L3MBTL4: variants seen among roughly 807,000 people sequenced by gnomAD.
L3MBTL4 encodes the protein L3MBTL histone methyl-lysine binding protein 4.
A neutral mutation model predicts 84.5 loss-of-function variants in L3MBTL4; 70 were observed. That is an observed-to-expected ratio of 0.83 (90% CI 0.68 to 1.01). The LOEUF is 1.01. Ranked by LOEUF, L3MBTL4 falls within the 50% of genes least tolerant of loss-of-function variation. L3MBTL4 has a pLI of 0.00. For missense variants in L3MBTL4, 715 were observed against 754.8 expected (o/e 0.95, Z 0.62); for synonymous variants, 274 against 259.8 (o/e 1.05, Z -0.52).
intron 5 of L3MBTL4, among the ~76,000 whole-genome samples, chr18:6,262,626 T>C (rs929396337): frequency 1.9e-4 from 29 of 152,134 alleles, no homozygotes; most frequent in Admixed American, 2.6e-4. Flanking sequence ...TCTGATTTAG[T>C]AGGTCTCAGG....
At chr18:6,142,009 T>C (rs996616033) in intron 13 of L3MBTL4, among the ~76,000 whole-genome samples, 1 of 152,216 alleles carries the variant, frequency 6.6e-6, no homozygotes, top group African/African-American at 2.4e-5. Flanking sequence ...ATCAGGGCAT[T>C]TGCATGCTGG....
intron 17 of L3MBTL4, among the ~76,000 whole-genome samples, chr18:5,961,587 A>T (rs1013902836): frequency 6.6e-6 from 1 of 152,190 alleles, no homozygotes; most frequent in Admixed American, 6.5e-5. Context: ...GGATTAAAAC[A>T]AACAAACAAA....
intron 4 of L3MBTL4, among the ~76,000 whole-genome samples, chr18:6,274,132 A>G (rs1213710247): frequency 6.6e-6 from 1 of 152,212 alleles, no homozygotes; most frequent in Non-Finnish European, 1.5e-5. Flanking sequence ...GGTTTCCCAA[A>G]CCATGTTACA....
intron 17 of L3MBTL4, among the ~76,000 whole-genome samples, 181 bp downstream of exon 17, chr18:5,969,212 C>T (rs75447533): frequency 0.051 from 7,783 of 152,228 alleles, 247 homozygotes; most frequent in Admixed American, 0.095. Flanking sequence ...CTTTCCTCAT[C>T]TCCTCAGAAT....
intron 4 of L3MBTL4, 55 bp downstream of exon 4, chr18:6,301,848 T>C: frequency 7.8e-7 from 1 of 1,274,208 alleles, no homozygotes; most frequent in Non-Finnish European, 1.1e-6. Flanking sequence ...CTAATAAAAA[T>C]TCACTTAAAA....
chr18:6,040,409 T>C (rs2056348504), intron 16 of L3MBTL4, among the ~76,000 whole-genome samples: 1 of 152,202 alleles, frequency 6.6e-6, no homozygotes, highest in South Asian at 2.1e-4. Flanking sequence ...GTTCCAATAA[T>C]TAAGAATTAT....
intron 10 of L3MBTL4, among the ~76,000 whole-genome samples, chr18:6,234,110 G>C (rs567452289): frequency 4.1e-4 from 63 of 152,084 alleles, no homozygotes; most frequent in Non-Finnish European, 1.3e-4. Context: ...ACTGGCTAGC[G>C]ACATGTAGAA....
In L3MBTL4 at chr18:5,969,408, A is replaced by G. The variant is rs1264425098; in HGVS notation, c.1599T>C (p.Arg533=). Residue 533 remains arginine (R), a synonymous_variant, in exon 17 of 19, where the codon CGT becomes CGC. Coordinates refer to ENST00000317931, the MANE Select transcript of L3MBTL4 (RefSeq NM_001330559.2). ...VADIRASQVA[R]WTVDEVAEFV... is the part of the protein sequence containing the mutation. ...CTCCACTCACCTCATCCACAGTCCAACGTGCCACTTGGCTGGCCCGGATGT... is the reference window on the plus strand; with the variant it reads ...CTCCACTCACCTCATCCACAGTCCAGCGTGCCACTTGGCTGGCCCGGATGT... The G allele has an allele frequency of 1.9e-6, 3 of 1,613,908 alleles. No homozygotes were observed. Among genetic ancestry groups the G allele is most frequent in the South Asian group, 2.2e-5 (2 of 91,072 alleles).
intron 16 of L3MBTL4, among the ~76,000 whole-genome samples, chr18:6,000,448 T>C (rs1186761916): frequency 2.6e-5 from 4 of 152,054 alleles, no homozygotes; most frequent in Non-Finnish European, 5.9e-5. Context: ...AAAGGGAGAA[T>C]GGACCTTGCA....
At chr18:6,301,799 C>G in intron 4 of L3MBTL4, 104 bp downstream of exon 4, 1 of 850,080 alleles carries the variant, frequency 1.2e-6, no homozygotes, top group Non-Finnish European at 2.0e-6. Flanking sequence ...ATATTATTAT[C>G]ACATATTTTA....
chr18:6,382,412 C>A (rs909625564), intron 1 of L3MBTL4, among the ~76,000 whole-genome samples: 2 of 152,130 alleles, frequency 1.3e-5, no homozygotes, highest in South Asian at 4.1e-4. Context: ...AAGAGATGTT[C>A]TAGTTTTTGG....
At chr18:6,333,833 C>T (rs1056974857) in intron 1 of L3MBTL4, among the ~76,000 whole-genome samples, 1 of 152,154 alleles carries the variant, frequency 6.6e-6, no homozygotes, top group Non-Finnish European at 1.5e-5. Context: ...CCGTAACCCT[C>T]AAATATCAAA....
intron 14 of L3MBTL4, among the ~76,000 whole-genome samples, chr18:6,129,777 G>C (rs1207527258): frequency 6.6e-6 from 1 of 152,098 alleles, no homozygotes; most frequent in African/African-American, 2.4e-5. Context: ...CTGATGTTTT[G>C]TTTTGAGAAT....
chr18:5,976,051 C>T (rs531235783), intron 16 of L3MBTL4, among the ~76,000 whole-genome samples: 27 of 152,234 alleles, frequency 1.8e-4, no homozygotes, highest in Admixed American at 9.2e-4. Flanking sequence ...AGTGGGCTAT[C>T]GAGAGGGTTA....
At chr18:6,083,698 T>C (rs1278399219) in intron 15 of L3MBTL4, among the ~76,000 whole-genome samples, 2 of 152,236 alleles carry the variant, frequency 1.3e-5, no homozygotes, top group Non-Finnish European at 2.9e-5. Flanking sequence ...ATAGTCATAA[T>C]AGCTCCGGGC....
At position 6,091,723 on chromosome 18, in the gene L3MBTL4, AT is replaced by A. The variant is rs796336892; in HGVS notation, c.1373+1631del. Among the ~76,000 whole-genome samples the A allele has an allele frequency of 1.0e-3, 159 of 152,178 alleles. 1 individual carries two copies. The highest frequency in any genetic ancestry group is 3.7e-3 in the African/African-American group (154 of 41,530). On this transcript the variant is annotated intron_variant, in intron 15 of 18. Coordinates refer to ENST00000317931, the MANE Select transcript of L3MBTL4 (RefSeq NM_001330559.2). ...GCTTAGCTAACCTCTGAGAGCAATCATTTTTTTTAAGGCAGTTCAAAGATCT... is the reference window on the plus strand; with the variant it reads ...GCTTAGCTAACCTCTGAGAGCAATCATTTTTTTAAGGCAGTTCAAAGATCT...
chr18:6,394,320 T>C (rs1237639355), intron 1 of L3MBTL4, among the ~76,000 whole-genome samples: 1 of 151,766 alleles, frequency 6.6e-6, no homozygotes, highest in Non-Finnish European at 1.5e-5. Flanking sequence ...ATGCAAAAAT[T>C]AGCCGAGTAT....
intron 1 of L3MBTL4, among the ~76,000 whole-genome samples, chr18:6,350,568 A>G (rs1015055725): frequency 1.3e-5 from 2 of 151,918 alleles, no homozygotes; most frequent in African/African-American, 4.8e-5. Flanking sequence ...AAAAAAACGG[A>G]AAACAAAAAG....
chr18:6,414,631 G>C lies in L3MBTL4; in HGVS notation c.-91+170C>G, dbSNP rs2056118670. 2 of 152,106 alleles carry C rather than the reference G, an allele frequency of 1.3e-5. No homozygotes were observed. The highest frequency in any genetic ancestry group is 2.9e-5 in the Non-Finnish European group (2 of 68,050). 9.4% of individuals were successfully genotyped at this position (152,106 alleles called of 1,614,324 possible). On this transcript the variant is annotated intron_variant, in intron 1 of 18. Transcript: ENST00000317931. This position sits in a 1 kb window ranked among gnomAD's most constrained non-coding sequence, Gnocchi z 5.4. Reference sequence around the variant, plus strand: ...AAGAGAAAGAGAAAGAGCCTGGGCCGGGACCGGGGCTATCCCCAACCGCCA... The same window carrying C: ...AAGAGAAAGAGAAAGAGCCTGGGCCCGGACCGGGGCTATCCCCAACCGCCA...
Sources: allele counts gnomAD v4.1 joint callset (sites outside exome capture counted in the v4.1 genomes callset), GRCh38; gene constraint gnomAD v4.1.1; non-coding constraint Gnocchi (gnomAD v3.1); transcripts MANE v1.5; gene names NCBI Gene and HGNC (gene_info 2026-07-23, HGNC 2026-07-21).